Variants in PDE4D observed in about 807,000 individuals in gnomAD.
The protein encoded by PDE4D is 3',5'-cyclic-AMP phosphodiesterase 4D.
In PDE4D, 24 loss-of-function variants were observed where a neutral mutation model predicts 87.4. The observed-to-expected ratio is 0.27, with a 90% confidence interval of 0.20 to 0.39. PDE4D has a LOEUF of 0.39. PDE4D is among the 10% of genes least tolerant of loss of function. The probability of loss-of-function intolerance (pLI) is 1.00; values close to 1 mark genes in which losing one functional copy is unlikely to be tolerated. For missense variants in PDE4D, 714 were observed against 1,041.0 expected (o/e 0.69, Z 4.32); for synonymous variants, 384 against 383.2 (o/e 1.00, Z -0.02).
chr5:59,016,062 G>T (rs151250434), intron 6 of PDE4D, among the ~76,000 whole-genome samples: 1 of 152,168 alleles, frequency 6.6e-6, no homozygotes, highest in Admixed American at 6.6e-5. Flanking sequence ...TCACTCATAG[G>T]TGGGAATTGA....
At chr5:60,049,151 A>T (rs1769740449) in intron 2 of PDE4D, among the ~76,000 whole-genome samples, 1 of 151,962 alleles carries the variant, frequency 6.6e-6, no homozygotes, top group Admixed American at 6.6e-5. Context: ...CTTCCAGTTG[A>T]TTGCATCAGC....
chr5:60,067,658 A>G (rs1244330261), intron 2 of PDE4D, among the ~76,000 whole-genome samples: 1 of 152,086 alleles, frequency 6.6e-6, no homozygotes, highest in Non-Finnish European at 1.5e-5. Flanking sequence ...GATCCCTAGA[A>G]CTTATTCATC....
At chr5:59,488,447 C>T (rs1044763895) in intron 1 of PDE4D, among the ~76,000 whole-genome samples, 10 of 152,120 alleles carry the variant, frequency 6.6e-5, no homozygotes, top group South Asian at 2.1e-4. Flanking sequence ...TGTTTAAATA[C>T]GCATTTGAAA....
chr5:59,189,318 C>T (rs1293202803), intron 3 of PDE4D, among the ~76,000 whole-genome samples: 1 of 135,640 alleles, frequency 7.4e-6, no homozygotes, highest in Non-Finnish European at 1.5e-5. Flanking sequence ...GGCGCGATCT[C>T]GGCTCACTGC....
chr5:59,590,562 A>C (rs1481626790), intron 1 of PDE4D, among the ~76,000 whole-genome samples: 1 of 152,166 alleles, frequency 6.6e-6, no homozygotes, highest in Non-Finnish European at 1.5e-5. Context: ...CTTTATGGCT[A>C]ATCTCAGCCC....
At chr5:59,206,853 T>A (rs1003159769) in intron 2 of PDE4D, among the ~76,000 whole-genome samples, 2 of 152,166 alleles carry the variant, frequency 1.3e-5, no homozygotes, top group Non-Finnish European at 2.9e-5. Flanking sequence ...ACTTTCTTCT[T>A]CTTCCCAGCC....
chr5:59,862,745 G>A (rs150169364), intron 1 of PDE4D, among the ~76,000 whole-genome samples: 186 of 152,124 alleles, frequency 1.2e-3, no homozygotes, highest in Admixed American at 2.8e-3. Flanking sequence ...TTTTTCCTGC[G>A]GAAAAGTTTC....
chr5:59,469,894 T>C (rs1802185406), intron 1 of PDE4D, among the ~76,000 whole-genome samples: 1 of 152,124 alleles, frequency 6.6e-6, no homozygotes, highest in Non-Finnish European at 1.5e-5. Flanking sequence ...ACCACAATCA[T>C]CTGGGTGACT....
intron 1 of PDE4D, among the ~76,000 whole-genome samples, chr5:59,339,337 T>G (rs972128883): frequency 1.3e-5 from 2 of 152,200 alleles, no homozygotes; most frequent in Admixed American, 6.5e-5. Context: ...TAACTAATAA[T>G]GAGAGATGAT....
At chr5:59,598,965 C>T (rs1827102692) in intron 1 of PDE4D, among the ~76,000 whole-genome samples, 1 of 152,056 alleles carries the variant, frequency 6.6e-6, no homozygotes, top group Non-Finnish European at 1.5e-5. Flanking sequence ...CAGTGACCTG[C>T]TGTTTTCCAC....
intron 1 of PDE4D, among the ~76,000 whole-genome samples, chr5:60,228,317 T>C (rs1382585285): frequency 6.6e-6 from 1 of 152,114 alleles, no homozygotes. Flanking sequence ...ATACAGAAGA[T>C]ATTTTTCAGA....
At chr5:59,422,079 A>G (rs914008818) in intron 1 of PDE4D, among the ~76,000 whole-genome samples, 1 of 152,180 alleles carries the variant, frequency 6.6e-6, no homozygotes, top group African/African-American at 2.4e-5. Context: ...CAGTAAGAGT[A>G]CAAAAATAGG....
At chr5:60,383,737 A>G (rs1436288381) in intron 1 of PDE4D, among the ~76,000 whole-genome samples, 1 of 152,146 alleles carries the variant, frequency 6.6e-6, no homozygotes, top group African/African-American at 2.4e-5. Context: ...ACAAATTATA[A>G]ATAGAAAAAA....
chr5:59,720,008 GT>G (rs1296674172), intron 1 of PDE4D, among the ~76,000 whole-genome samples: 9 of 152,226 alleles, frequency 5.9e-5, no homozygotes, highest in Middle Eastern at 3.4e-3. Context: ...TACCAAATCA[GT>G]GGTATTCTCA....
chr5:59,687,848 G>C (rs1351593441), intron 1 of PDE4D, among the ~76,000 whole-genome samples: 1 of 152,040 alleles, frequency 6.6e-6, no homozygotes. Flanking sequence ...GACACACACA[G>C]GCTCAAAATA....
intron 4 of PDE4D, among the ~76,000 whole-genome samples, chr5:59,182,772 T>A (rs999265894): frequency 6.6e-6 from 1 of 152,080 alleles, no homozygotes; most frequent in Admixed American, 6.6e-5. Context: ...CCTCGATACC[T>A]CCTCTAATGA....
chr5:59,349,925 C>G (rs1028424901), intron 1 of PDE4D, among the ~76,000 whole-genome samples: 4 of 152,132 alleles, frequency 2.6e-5, no homozygotes, highest in South Asian at 2.1e-4. Flanking sequence ...AGAAAACACT[C>G]AAACTGTATC....
At chr5:59,515,354 G>A (rs982874814) in intron 1 of PDE4D, among the ~76,000 whole-genome samples, 1 of 152,152 alleles carries the variant, frequency 6.6e-6, no homozygotes, top group African/African-American at 2.4e-5. Flanking sequence ...CTCAGTGCCT[G>A]ACCTACCACT....
chr5:60,454,125 A>G (rs1317257337), intron 1 of PDE4D, among the ~76,000 whole-genome samples: 1 of 152,176 alleles, frequency 6.6e-6, no homozygotes, highest in African/African-American at 2.4e-5. Flanking sequence ...TCAATCATCA[A>G]AACTGCGACA....
Sources: gnomAD v4.1 joint callset for allele counts (sites outside exome capture counted in the v4.1 genomes callset) on GRCh38, gnomAD v4.1.1 for gene constraint, MANE v1.5 for transcripts, NCBI Gene and HGNC (gene_info 2026-07-23, HGNC 2026-07-21) for gene names.